The following ZNF385D variants were observed in gnomAD, a reference collection of about 807,000 sequenced individuals.
ZNF385D encodes zinc finger protein 385D.
In ZNF385D, 15 loss-of-function variants were observed where a neutral mutation model predicts 35.8. The observed-to-expected ratio is 0.42, with a 90% CI of 0.28 to 0.64. The LOEUF (loss-of-function observed/expected upper bound fraction) is 0.64, where lower values mean the gene tolerates loss of function less well. Among genes scored for constraint, ZNF385D ranks in the 30% least tolerant of loss-of-function variants. The pLI, the probability that ZNF385D is intolerant of heterozygous loss-of-function variation, is 0.23. For synonymous variants in ZNF385D, 212 were observed against 186.8 expected (o/e 1.13, Z -1.10); for missense variants, 474 against 494.6 (o/e 0.96, Z 0.39).
chr3:21,818,784 T>A (rs969576080), intron 3 of ZNF385D, among the ~76,000 whole-genome samples: 2 of 151,992 alleles, frequency 1.3e-5, no homozygotes, highest in East Asian at 1.9e-4. Flanking sequence ...TATTTTTGTA[T>A]TTTTTAATAT....
chr3:22,297,928 G>C (rs1702679475), intron 2 of ZNF385D, among the ~76,000 whole-genome samples: 1 of 151,954 alleles, frequency 6.6e-6, no homozygotes, highest in Non-Finnish European at 1.5e-5. Context: ...AATAATCTCT[G>C]CATCTATAAA....
rs866480373 is a variant in ZNF385D, at chr3:21,419,688, T to G, written c.*1526A>C. 14 of 152,148 alleles carry G rather than the reference T, an allele frequency of 9.2e-5. No individual in the cohort carries two copies. The highest frequency in any genetic ancestry group is 5.2e-4 in the Admixed American group (8 of 15,264). 9.4% of individuals were successfully genotyped at this position (152,148 alleles called of 1,614,324 possible). A position where few individuals can be genotyped will look rare whatever the true frequency, so the allele number is the denominator to read the frequency against. Reference sequence around the variant, plus strand: ...CATTTTGATAGGTATATGTCAGCTTTCTATGGGAAAAAGCAAATAGCCTTT... The same window carrying G: ...CATTTTGATAGGTATATGTCAGCTTGCTATGGGAAAAAGCAAATAGCCTTT... On this transcript the variant is annotated 3_prime_UTR_variant, in exon 8 of 8. Coordinates refer to ENST00000281523, the MANE Select transcript of ZNF385D (RefSeq NM_024697.3).
intron 2 of ZNF385D, among the ~76,000 whole-genome samples, chr3:22,338,745 G>C (rs1474274564): frequency 7.3e-6 from 1 of 136,858 alleles, no homozygotes; most frequent in Non-Finnish European, 1.5e-5. Context: ...CTGTCACCCA[G>C]GCTGGAGTAC....
intron 3 of ZNF385D, among the ~76,000 whole-genome samples, chr3:21,800,847 T>C (rs572140903): frequency 1.7e-4 from 26 of 152,258 alleles, no homozygotes; most frequent in African/African-American, 6.0e-4. Context: ...CTTTTTCAAT[T>C]TGTATACTTT....
intron 2 of ZNF385D, among the ~76,000 whole-genome samples, chr3:21,631,926 A>C (rs2065293400): frequency 6.6e-6 from 1 of 152,130 alleles, no homozygotes; most frequent in African/African-American, 2.4e-5. Context: ...AGCTTCCTAG[A>C]GGCGGATCCT....
At chr3:21,940,864 T>A (rs1246249549) in intron 3 of ZNF385D, among the ~76,000 whole-genome samples, 6 of 152,164 alleles carry the variant, frequency 3.9e-5, no homozygotes, top group Non-Finnish European at 8.8e-5. Flanking sequence ...TTTTGAATAC[T>A]GCAAAAATAG....
Position 22,067,508 on chromosome 3 carries a change from C to A in ZNF385D, c.325+101309G>T, listed in dbSNP as rs6764711. Among the ~76,000 whole-genome samples, 676 of 152,238 alleles carry A rather than the reference C, an allele frequency of 4.4e-3. 9 individuals are homozygous for A. The highest frequency in any genetic ancestry group is 0.015 in the African/African-American group (643 of 41,554). On this transcript the variant is annotated intron_variant, in intron 3 of 5. Transcript: ENST00000494108. Reference sequence around the variant, plus strand: ...ACAGCTTCAGAAAAGGCTTAGAAATCATCTTTTAAGCTATGACAAAACAGA... The same window carrying A: ...ACAGCTTCAGAAAAGGCTTAGAAATAATCTTTTAAGCTATGACAAAACAGA...
chr3:21,806,188 CTTTT>C (rs913479925), intron 3 of ZNF385D, among the ~76,000 whole-genome samples: 2 of 144,016 alleles, frequency 1.4e-5, no homozygotes, highest in African/African-American at 5.1e-5. Flanking sequence ...TCTTTCCTTT[CTTTT>C]TTTTTTTAAA....
chr3:22,095,369 C>T (rs376233009), intron 3 of ZNF385D, among the ~76,000 whole-genome samples: 2 of 152,034 alleles, frequency 1.3e-5, no homozygotes, highest in South Asian at 4.2e-4. Flanking sequence ...GGTATTCCAT[C>T]ATGATTTTTT....
At chr3:22,062,852 C>T (rs1023048279) in intron 3 of ZNF385D, among the ~76,000 whole-genome samples, 1 of 152,168 alleles carries the variant, frequency 6.6e-6, no homozygotes, top group Admixed American at 6.5e-5. Flanking sequence ...TAACAGAGGT[C>T]TCCTACAAAC....
intron 3 of ZNF385D, among the ~76,000 whole-genome samples, chr3:21,909,609 G>A (rs1699863261): frequency 6.6e-6 from 1 of 152,044 alleles, no homozygotes; most frequent in South Asian, 2.1e-4. Flanking sequence ...TCAAGGTCCT[G>A]AATGGATTGT....
intron 2 of ZNF385D, among the ~76,000 whole-genome samples, chr3:21,625,056 TC>T (rs2065098866): frequency 6.6e-6 from 1 of 152,044 alleles, no homozygotes; most frequent in African/African-American, 2.4e-5. Flanking sequence ...TTGATTCAGT[TC>T]TAATAAATTT....
chr3:21,497,181 TAAC>T (rs931035312), intron 4 of ZNF385D, among the ~76,000 whole-genome samples: 1 of 152,050 alleles, frequency 6.6e-6, no homozygotes, highest in Non-Finnish European at 1.5e-5. Flanking sequence ...CTCCTAGATC[TAAC>T]AACAACTTCA....
At chr3:21,624,230 G>T (rs781317277) in intron 2 of ZNF385D, among the ~76,000 whole-genome samples, 4 of 152,056 alleles carry the variant, frequency 2.6e-5, no homozygotes, top group Non-Finnish European at 4.4e-5. Flanking sequence ...GGAAATTACA[G>T]TTTGTTCTGC....
intron 2 of ZNF385D, among the ~76,000 whole-genome samples, chr3:22,256,570 A>G (rs1379527833): frequency 6.6e-6 from 1 of 151,842 alleles, no homozygotes; most frequent in Non-Finnish European, 1.5e-5. Context: ...GTGGCAATAT[A>G]ATTTCTGTCT....
At chr3:22,216,706 A>G (rs943660241) in intron 2 of ZNF385D, among the ~76,000 whole-genome samples, 4 of 152,142 alleles carry the variant, frequency 2.6e-5, no homozygotes, top group African/African-American at 9.6e-5. Context: ...CAGCTTACCA[A>G]TATACCTCAT....
upstream of ZNF385D, among the ~76,000 whole-genome samples, chr3:21,752,473 T>C (rs2070148226): frequency 6.6e-6 from 1 of 152,198 alleles, no homozygotes; most frequent in Admixed American, 6.5e-5. Context: ...TATCTCTTGG[T>C]GGATTTAATG....
intron 3 of ZNF385D, among the ~76,000 whole-genome samples, chr3:22,151,979 T>G (rs1465297690): frequency 6.6e-6 from 1 of 152,166 alleles, no homozygotes; most frequent in Admixed American, 6.6e-5. Flanking sequence ...TCAGTAGTAA[T>G]TTTTTTCTGT....
chr3:22,160,169 T>G (rs138505257), intron 3 of ZNF385D, among the ~76,000 whole-genome samples: 129 of 152,218 alleles, frequency 8.5e-4, no homozygotes, highest in African/African-American at 3.0e-3. Context: ...AGTGAAATCT[T>G]TTTCTTTTAT....
Sources: allele counts gnomAD v4.1 joint callset (sites outside exome capture counted in the v4.1 genomes callset), GRCh38; gene constraint gnomAD v4.1.1; transcripts MANE v1.5; gene names NCBI Gene and HGNC (gene_info 2026-07-23, HGNC 2026-07-21).